MYORG: variants seen among roughly 807,000 people sequenced by gnomAD.
MYORG encodes myogenesis regulating glycosidase.
In MYORG, 45 loss-of-function variants were observed where a neutral mutation model predicts 49.8. The ratio of observed to expected loss-of-function variants is 0.90; its 90% confidence interval spans 0.71 to 1.16. The LOEUF is 1.16. MYORG is among the 50% of genes most tolerant of loss of function. The pLI is 0.00. For synonymous variants in MYORG, 552 were observed against 462.9 expected, an observed-to-expected ratio of 1.19 and a Z score of -2.47; for missense variants, 1,110 against 1,026.5, an observed-to-expected ratio of 1.08 and a Z score of -1.11.
intron 1 of MYORG, among the ~76,000 whole-genome samples, chr9:34,373,479 GTCTC>G (rs1820675001): frequency 6.6e-6 from 1 of 151,974 alleles, no homozygotes; most frequent in African/African-American, 2.4e-5. Flanking sequence ...TTGAAATGGA[GTCTC>G]TCTCTGTCAC....
Position 34,372,671 on chromosome 9 carries a change from C to G in MYORG, c.273G>C (p.Glu91Asp). The part of the protein sequence containing the change: ...SLRKAERLRA[E>D]LLDLKAGGFS... Reference sequence around the variant, plus strand: ...AGCCGCCAGCTTTCAGGTCCAGCAGCTCCGCGCGAAGTCGCTCCGCCTTGC... The same window carrying G: ...AGCCGCCAGCTTTCAGGTCCAGCAGGTCCGCGCGAAGTCGCTCCGCCTTGC... The change falls in exon 2 of 2, where the codon GAG (glutamate) becomes GAC (aspartate). Residue 91 changes from glutamate (E) to aspartate (D), a missense_variant. Physicochemically the swap from Glu to Asp is conservative, Grantham distance 45. Transcript: ENST00000297625. 6.2e-7 allele frequency: 1 copy of G among 1,608,264 alleles called. No homozygotes were observed. Among genetic ancestry groups the G allele is most frequent in the Non-Finnish European group, 8.5e-7 (1 of 1,177,490 alleles).
chr9:34,371,855 G>A lies in MYORG; in HGVS notation c.1089C>T (p.Phe363=). Residue 363 remains phenylalanine (F), a synonymous_variant, in exon 2 of 2, where the codon TTC becomes TTT. Coordinates refer to ENST00000297625, the MANE Select transcript of MYORG (RefSeq NM_020702.5). ...DDMYTPAYGD[F]DFDEVKFPNA... is the part of the protein sequence containing the mutation. Reference sequence around the variant, plus strand: ...TGGGGAATTTGACCTCATCGAAGTCGAAGTCGCCATAAGCAGGTGTGTACA... The same window carrying A: ...TGGGGAATTTGACCTCATCGAAGTCAAAGTCGCCATAAGCAGGTGTGTACA... The A allele has an allele frequency of 6.2e-7, 1 of 1,614,090 alleles. No homozygotes were observed. Among genetic ancestry groups the A allele is most frequent in the Non-Finnish European group, 8.5e-7 (1 of 1,179,902 alleles).
chr9:34,372,667 G>C lies in MYORG; in HGVS notation c.277C>G (p.Leu93Val). 6.2e-7 allele frequency: 1 copy of C among 1,607,766 alleles called. No individual in the cohort carries two copies. The highest frequency in any genetic ancestry group is 8.5e-7 in the Non-Finnish European group (1 of 1,177,258). The change falls in exon 2 of 2, where the codon CTG becomes GTG. Residue 93 changes from leucine to valine, a missense_variant. By Grantham distance (32) the Leu-to-Val change is conservative. Coordinates refer to ENST00000297625, the MANE Select transcript of MYORG (RefSeq NM_020702.5). ...RKAERLRAELLDLKAGGFSIR... is the reference protein window; with the variant it reads ...RKAERLRAELVDLKAGGFSIR... Reference sequence around the variant, plus strand: ...GAGAAGCCGCCAGCTTTCAGGTCCAGCAGCTCCGCGCGAAGTCGCTCCGCC... The same window carrying C: ...GAGAAGCCGCCAGCTTTCAGGTCCACCAGCTCCGCGCGAAGTCGCTCCGCC...
rs1820545140 is a variant in MYORG at position 34,369,104 on chromosome 9, A to G, written c.*1695T>C. On this transcript the variant is annotated 3_prime_UTR_variant, in exon 2 of 2. Transcript: ENST00000297625. ...CTATCACCAGAACAGTATGGCGGAAACTGCCCCCATATTTCAATTATCTCC... is the reference window on the plus strand; with the variant it reads ...CTATCACCAGAACAGTATGGCGGAAGCTGCCCCCATATTTCAATTATCTCC... 6.6e-6 allele frequency: 1 copy of G among 152,194 alleles called. No homozygotes were observed. Among genetic ancestry groups the G allele is most frequent in the Admixed American group, 6.5e-5 (1 of 15,286 alleles). 9.4% of individuals were successfully genotyped at this position (152,194 alleles called of 1,614,324 possible). A position where few individuals can be genotyped will look rare whatever the true frequency, so the allele number is the denominator to read the frequency against.
At position 34,370,598 on chromosome 9, in the gene MYORG, G is replaced by A. The variant is rs767062988; in HGVS notation, c.*201C>T. On this transcript the variant is annotated 3_prime_UTR_variant, in exon 2 of 2. Coordinates refer to ENST00000297625, the MANE Select transcript of MYORG (RefSeq NM_020702.5). ...GTGGAAAGGGCACAGTAAGGATTGTGCGTTGGAGCAGGAGATTGCTTCAGT... is the reference window on the plus strand; with the variant it reads ...GTGGAAAGGGCACAGTAAGGATTGTACGTTGGAGCAGGAGATTGCTTCAGT... The A allele has an allele frequency of 1.8e-5, 16 of 892,756 alleles. No homozygotes were observed. The highest frequency in any genetic ancestry group is 3.1e-5 in the Admixed American group (1 of 32,650). 55.3% of individuals were successfully genotyped at this position (892,756 alleles called of 1,614,324 possible).
At chr9:34,374,500 C>G (rs1357741004) in intron 1 of MYORG, among the ~76,000 whole-genome samples, 1 of 152,130 alleles carries the variant, frequency 6.6e-6, no homozygotes, top group Non-Finnish European at 1.5e-5. Context: ...ACCCACCTAG[C>G]TTGGCCCAGC....
intron 1 of MYORG, among the ~76,000 whole-genome samples, chr9:34,374,200 C>G (rs986995720): frequency 7.2e-5 from 11 of 152,180 alleles, no homozygotes; most frequent in African/African-American, 2.7e-4. Flanking sequence ...AAACGCTTCC[C>G]CCAACAGGCC....
chr9:34,370,670 A>C lies in MYORG; in HGVS notation c.*129T>G. On this transcript the variant is annotated 3_prime_UTR_variant, in exon 2 of 2. Coordinates refer to ENST00000297625, the MANE Select transcript of MYORG (RefSeq NM_020702.5). ...TTCAGCAGCTGGTTCCAGCACATTT[A>C]AGTCAGCAGCCACTTAATGGGTGGT... is the stretch of plus-strand genomic sequence containing the variant. 1.4e-6 allele frequency: 2 copies of C among 1,422,086 alleles called. No individual in the cohort carries two copies. The allele number at this position is 1,422,086 out of a possible 1,614,324, so 88.1% of individuals were successfully genotyped here. A position where few individuals can be genotyped will look rare whatever the true frequency, so the allele number is the denominator to read the frequency against.
rs58832809 is a variant in MYORG, at chr9:34,370,703, TG to T, written c.*95del. ...AGCCACTTAATGGGTGGTATAGAGG[TG>T]GGAGGTTCCTGGGAGTACATGGTGC... On this transcript the variant is annotated 3_prime_UTR_variant, in exon 2 of 2. Coordinates refer to ENST00000297625, the MANE Select transcript of MYORG (RefSeq NM_020702.5). The T allele has an allele frequency of 0.79, 1,141,236 of 1,448,778 alleles. 452,110 individuals carry two copies. The highest frequency in any genetic ancestry group is 0.95 in the East Asian group (37,797 of 39,862). 89.7% of individuals were successfully genotyped at this position (1,448,778 alleles called of 1,614,324 possible). A position where few individuals can be genotyped will look rare whatever the true frequency, so the allele number is the denominator to read the frequency against.
rs1308357645 is a variant in MYORG at position 34,370,591 on chromosome 9, G to A, written c.*208C>T. On this transcript the variant is annotated 3_prime_UTR_variant, in exon 2 of 2. Transcript: ENST00000297625. ...TGTGGGGGTGGAAAGGGCACAGTAA[G>A]GATTGTGCGTTGGAGCAGGAGATTG... 3.5e-6 allele frequency: 3 copies of A among 845,878 alleles called. No homozygotes were observed. Among genetic ancestry groups the A allele is most frequent in the Non-Finnish European group, 5.2e-6 (3 of 571,538 alleles). 52.4% of individuals were successfully genotyped at this position (845,878 alleles called of 1,614,324 possible).
In MYORG at chr9:34,371,268, A is replaced by C. The variant is rs768355324; in HGVS notation, c.1676T>G (p.Val559Gly). ...ATCGCCGCCGGCTGTCCGCTGGGGC[A>C]CGGCGTTGCCGCCCACCATATCGGG... ...ILPDMVGGNAVPQRTAGGDVP... is the reference protein window; with the variant it reads ...ILPDMVGGNAGPQRTAGGDVP... Residue 559 changes from valine to glycine, a missense_variant, in exon 2 of 2, where the codon GTG becomes GGG. Transcript: ENST00000297625. The C allele has an allele frequency of 6.2e-7, 1 of 1,608,982 alleles. No individual in the cohort carries two copies. Among genetic ancestry groups the C allele is most frequent in the Admixed American group, 1.7e-5 (1 of 59,478 alleles).
chr9:34,374,017 C>T (rs1280114930), intron 1 of MYORG, among the ~76,000 whole-genome samples: 1 of 152,194 alleles, frequency 6.6e-6, no homozygotes, highest in Admixed American at 6.5e-5. Context: ...TTCTCTTTGC[C>T]CTCAAACTCA....
In MYORG at chr9:34,369,304, C is replaced by T. The variant is rs186717394; in HGVS notation, c.*1495G>A. On this transcript the variant is annotated 3_prime_UTR_variant, in exon 2 of 2. Coordinates refer to ENST00000297625, the MANE Select transcript of MYORG (RefSeq NM_020702.5). Reference sequence around the variant, plus strand: ...GGAAGCTAAAGTTCACCCTGTTTCCCACCGACCCGCTCTGGCATGCCACTT... The same window carrying T: ...GGAAGCTAAAGTTCACCCTGTTTCCTACCGACCCGCTCTGGCATGCCACTT... The T allele has an allele frequency of 5.8e-3, 888 of 152,262 alleles. 12 individuals are homozygous for T. The highest frequency in any genetic ancestry group is 7.6e-3 in the Non-Finnish European group (517 of 68,024). The allele number at this position is 152,262 out of a possible 1,614,324, so 9.4% of individuals were successfully genotyped here. A position where few individuals can be genotyped will look rare whatever the true frequency, so the allele number is the denominator to read the frequency against.
rs1438072640 is a variant in MYORG at position 34,370,750 on chromosome 9, G to A, written c.*49C>T. 1 of 1,512,850 alleles carries A rather than the reference G, an allele frequency of 6.6e-7. No individual in the cohort carries two copies. Among genetic ancestry groups the A allele is most frequent in the Admixed American group, 2.1e-5 (1 of 48,208 alleles). 93.7% of individuals were successfully genotyped at this position (1,512,850 alleles called of 1,614,324 possible). A position where few individuals can be genotyped will look rare whatever the true frequency, so the allele number is the denominator to read the frequency against. On this transcript the variant is annotated 3_prime_UTR_variant, in exon 2 of 2. Coordinates refer to ENST00000297625, the MANE Select transcript of MYORG (RefSeq NM_020702.5). ...GGTGCGGGTGTGACGGAGGGTTCAA[G>A]GTCTGCATGAAGACTGGGGGCTTTG... is the stretch of plus-strand genomic sequence containing the variant.
In MYORG at chr9:34,372,847, C is replaced by A; in HGVS notation, c.97G>T (p.Ala33Ser). 6.2e-7 allele frequency: 1 copy of A among 1,614,004 alleles called. No homozygotes were observed. The highest frequency in any genetic ancestry group is 8.5e-7 in the Non-Finnish European group (1 of 1,179,896). ...TCGGGCAGGAAGGTGTACATAGCTGCGGCTGCGATGGCCTCGGGGTTCTGA... is the reference window on the plus strand; with the variant it reads ...TCGGGCAGGAAGGTGTACATAGCTGAGGCTGCGATGGCCTCGGGGTTCTGA... ...YRQNPEAIAA[A>S]AMYTFLPDNF... Residue 33 changes from alanine to serine, a missense_variant, in exon 2 of 2, where the codon GCA becomes TCA. Ala to Ser is a moderately conservative substitution (Grantham distance 99). Transcript: ENST00000297625.
Position 34,373,608 on chromosome 9 carries a change from A to C in MYORG, c.-63-602T>G, listed in dbSNP as rs568257681. ...GCTGGGATTAAAGGCGCACACCACCACACCTAGCTAATTTTTGTATTTTTG... is the reference window on the plus strand; with the variant it reads ...GCTGGGATTAAAGGCGCACACCACCCCACCTAGCTAATTTTTGTATTTTTG... On this transcript the variant is annotated intron_variant, in intron 1 of 1. Transcript: ENST00000297625. 5.3e-5 allele frequency among the ~76,000 whole-genome samples: 8 copies of C among 152,182 alleles called. No individual in the cohort carries two copies. The East Asian group carries it at 1.5e-3, about 29-fold the overall frequency.
rs1055309037 is a variant in MYORG, at chr9:34,372,446, T to C, written c.498A>G (p.Ala166=). The change falls in exon 2 of 2, where the codon GCA becomes GCG. Residue 166 remains alanine (A), a synonymous_variant. Coordinates refer to ENST00000297625, the MANE Select transcript of MYORG (RefSeq NM_020702.5). The stretch of plus-strand genomic sequence containing the variant: ...CGTGCTCCACGGCCCGGCCCGGCGC[T>C]GCCTCCTCCCAGCGCACGCGGTAGC... ...VMCYRVRWEE[A]APGRAVEHAM... 10 of 1,583,926 alleles carry C rather than the reference T, an allele frequency of 6.3e-6. No homozygotes were observed. In the East Asian group the frequency reaches 2.3e-4, roughly 37 times the overall value.
intron 1 of MYORG, among the ~76,000 whole-genome samples, chr9:34,374,827 A>G (rs969138555): frequency 4.0e-5 from 6 of 150,538 alleles, no homozygotes; most frequent in East Asian, 2.0e-4. Flanking sequence ...GCTTGAGCCC[A>G]GGAGGTCAAG....
chr9:34,371,144 C>T lies in MYORG; in HGVS notation c.1800G>A (p.Val600=), dbSNP rs1489798942. The change falls in exon 2 of 2, where the codon GTG becomes GTA. Residue 600 remains valine (V), a synonymous_variant. Coordinates refer to ENST00000297625, the MANE Select transcript of MYORG (RefSeq NM_020702.5). ...CGGCGAACTTCTGCGCGATGGCCACCACTTCCGCGTCGTAGCGCCAGGGCG... is the reference window on the plus strand; with the variant it reads ...CGGCGAACTTCTGCGCGATGGCCACTACTTCCGCGTCGTAGCGCCAGGGCG... The part of the protein sequence containing the change: ...SIPPWRYDAE[V]VAIAQKFAAL... 6.2e-7 allele frequency: 1 copy of T among 1,608,166 alleles called. No homozygotes were observed. The highest frequency in any genetic ancestry group is 8.5e-7 in the Non-Finnish European group (1 of 1,176,164).
Sources: allele counts gnomAD v4.1 joint callset (sites outside exome capture counted in the v4.1 genomes callset), GRCh38; gene constraint gnomAD v4.1.1; transcripts MANE v1.5; gene names NCBI Gene and HGNC (gene_info 2026-07-23, HGNC 2026-07-21).